The following CELF2 variants were observed in gnomAD, a reference collection of about 807,000 sequenced individuals.
The protein encoded by CELF2 is CUG triplet repeat RNA-binding protein 2.
A neutral mutation model predicts 62.6 loss-of-function variants in CELF2; 8 were observed. The observed-to-expected ratio is 0.13, with a 90% CI of 0.07 to 0.23. The LOEUF (loss-of-function observed/expected upper bound fraction) is 0.23, where lower values mean the gene tolerates loss of function less well. Ranked by LOEUF, CELF2 falls within the 10% of genes least tolerant of loss-of-function variation. The probability of loss-of-function intolerance (pLI) is 1.00; values close to 1 mark genes in which losing one functional copy is unlikely to be tolerated. For missense variants in CELF2, 333 were observed against 671.0 expected (o/e 0.50, Z 5.56); for synonymous variants, 258 against 250.0 (o/e 1.03, Z -0.30).
intron 2 of CELF2, among the ~76,000 whole-genome samples, chr10:11,203,382 C>G (rs2059714668): frequency 6.6e-6 from 1 of 152,222 alleles, no homozygotes; most frequent in African/African-American, 2.4e-5. Flanking sequence ...ATTTCAAGCA[C>G]ATCACGTACA....
At chr10:10,833,603 G>A (rs138897078) in intron 1 of CELF2, among the ~76,000 whole-genome samples, 10 of 152,272 alleles carry the variant, frequency 6.6e-5, no homozygotes, top group Non-Finnish European at 1.2e-4. Context: ...CGAACAGTGC[G>A]TGCACAGCCC....
the CELF2 span, among the ~76,000 whole-genome samples, chr10:10,651,304 G>A: frequency 3.8e-3 from 566 of 147,768 alleles, 4 homozygotes; most frequent in African/African-American, 0.013. Flanking sequence ...AGGGGTGCCC[G>A]CCATTGCCCA....
intron 2 of CELF2, among the ~76,000 whole-genome samples, chr10:11,199,113 T>C (rs1373405111): frequency 6.6e-6 from 1 of 152,188 alleles, no homozygotes; most frequent in African/African-American, 2.4e-5. Context: ...GACTGTTCTC[T>C]AGTGGCGAGA....
the CELF2 span, among the ~76,000 whole-genome samples, chr10:10,541,034 G>A: frequency 2.0e-5 from 3 of 151,810 alleles, no homozygotes; most frequent in Non-Finnish European, 4.4e-5. Context: ...TTGAGGTCAG[G>A]AGATCGAGAC....
At position 11,217,282 on chromosome 10, in the gene CELF2, A is replaced by G. The variant is rs1008260849; in HGVS notation, c.272-143A>G. On this transcript the variant is annotated intron_variant, in intron 2 of 12. Transcript: ENST00000633077. This position sits in a 1 kb window ranked among gnomAD's most constrained non-coding sequence, Gnocchi z 5.6. The stretch of plus-strand genomic sequence containing the variant: ...AAAAGGTACTGTGTAAATGCTTGAG[A>G]TGTTGTTATTGCTGTTCTCATATGC... The G allele has an allele frequency of 7.3e-6, 4 of 545,622 alleles. No homozygotes were observed. The highest frequency in any genetic ancestry group is 3.9e-5 in the African/African-American group (2 of 51,814). The allele number at this position is 545,622 out of a possible 1,614,324, so 33.8% of individuals were successfully genotyped here. A position where few individuals can be genotyped will look rare whatever the true frequency, so the allele number is the denominator to read the frequency against.
the CELF2 span, among the ~76,000 whole-genome samples, chr10:10,738,910 TG>T: frequency 6.6e-6 from 1 of 152,146 alleles, no homozygotes; most frequent in African/African-American, 2.4e-5. Context: ...ATTCACTAAT[TG>T]TAAAAAATAT....
the CELF2 span, among the ~76,000 whole-genome samples, chr10:10,614,822 C>T: frequency 8.6e-5 from 13 of 152,008 alleles, no homozygotes; most frequent in South Asian, 1.9e-3. Context: ...AGAGCCCAGG[C>T]GAAGGTGAGA....
intron 2 of CELF2, among the ~76,000 whole-genome samples, chr10:11,206,858 C>T (rs2135483005): frequency 6.6e-6 from 1 of 152,356 alleles, no homozygotes; most frequent in South Asian, 2.1e-4. Flanking sequence ...TCCTTGCTTT[C>T]TTCACGTCAC....
intron 1 of CELF2, among the ~76,000 whole-genome samples, chr10:11,044,578 C>A (rs996548772): frequency 6.6e-6 from 1 of 152,102 alleles, no homozygotes; most frequent in Admixed American, 6.5e-5. Flanking sequence ...AAATGTTTCC[C>A]CCCACCAAGT....
intron 1 of CELF2, among the ~76,000 whole-genome samples, chr10:10,895,919 T>G (rs1235620819): frequency 1.3e-5 from 2 of 152,016 alleles, no homozygotes; most frequent in Admixed American, 1.3e-4. Flanking sequence ...CTTGAGGTAT[T>G]TGGAAGGGGA....
chr10:10,785,754 G>A, the CELF2 span, among the ~76,000 whole-genome samples: 21 of 152,096 alleles, frequency 1.4e-4, no homozygotes, highest in Non-Finnish European at 1.8e-4. Flanking sequence ...GAGAGAAGTT[G>A]GTCAAAGGAT....
At chr10:11,041,410 GCTATGAATAATGGTGTTGGTGT>G (rs1019854147) in intron 1 of CELF2, among the ~76,000 whole-genome samples, 8 of 152,140 alleles carry the variant, frequency 5.3e-5, no homozygotes, top group Admixed American at 5.2e-4. Context: ...AAACCCACTG[GCTATGAATAATGGTGTTGGTGT>G]CTAAACACAC....
In CELF2 at chr10:11,255,984, G is replaced by A. The variant is rs543424220; in HGVS notation, c.404-1754G>A. ...GGCTGGGAGGAGGACTCCAGGCTGTGGGCCAGGCTGGATGACCCTAGGCAG... is the reference window on the plus strand; with the variant it reads ...GGCTGGGAGGAGGACTCCAGGCTGTAGGCCAGGCTGGATGACCCTAGGCAG... On this transcript the variant is annotated intron_variant, in intron 4 of 12. Transcript: ENST00000633077. The surrounding 1 kb of genome is among the most constrained non-coding windows in gnomAD (Gnocchi z 5.5). Among the ~76,000 whole-genome samples, 5 of 152,258 alleles carry A rather than the reference G, an allele frequency of 3.3e-5. No homozygotes were observed. The South Asian group carries it at 8.3e-4, about 25-fold the overall frequency.
At chr10:10,653,736 A>G in the CELF2 span, among the ~76,000 whole-genome samples, 174 of 148,826 alleles carry the variant, frequency 1.2e-3, 2 homozygotes, top group African/African-American at 4.1e-3. Context: ...AGGGAAATTT[A>G]TAGCACTAAA....
At chr10:10,767,889 G>T in the CELF2 span, among the ~76,000 whole-genome samples, 12 of 123,204 alleles carry the variant, frequency 9.7e-5, 1 homozygote, top group South Asian at 3.6e-3. Flanking sequence ...CCAGCTACTC[G>T]GGAGGCTGAG....
chr10:10,657,914 G>T, the CELF2 span, among the ~76,000 whole-genome samples: 1 of 152,116 alleles, frequency 6.6e-6, no homozygotes, highest in East Asian at 1.9e-4. Flanking sequence ...ATTTTATTAA[G>T]GCTTGCTTTG....
intron 1 of CELF2, among the ~76,000 whole-genome samples, chr10:10,849,134 C>A (rs553663375): frequency 6.6e-6 from 1 of 151,828 alleles, no homozygotes; most frequent in East Asian, 1.9e-4. Flanking sequence ...TGGTGGCTCA[C>A]GTCTGTAATT....
intron 1 of CELF2, among the ~76,000 whole-genome samples, chr10:10,915,949 G>T (rs1461126565): frequency 6.6e-6 from 1 of 152,178 alleles, no homozygotes; most frequent in Non-Finnish European, 1.5e-5. Context: ...AAATAAAGAT[G>T]ATTTACGCTT....
the CELF2 span, among the ~76,000 whole-genome samples, chr10:10,500,696 A>G: frequency 6.6e-6 from 1 of 152,158 alleles, no homozygotes; most frequent in Non-Finnish European, 1.5e-5. Context: ...ATAGTACAAC[A>G]TCACAACCGG....
Sources: allele counts gnomAD v4.1 joint callset (sites outside exome capture counted in the v4.1 genomes callset), GRCh38; gene constraint gnomAD v4.1.1; non-coding constraint Gnocchi (gnomAD v3.1); transcripts MANE v1.5; gene names NCBI Gene and HGNC (gene_info 2026-07-23, HGNC 2026-07-21).